Variants in SHF observed in about 807,000 individuals in gnomAD.
SHF encodes the protein SH2 domain-containing adapter protein F.
SHF carries 30 observed loss-of-function variants against 42.4 expected under a neutral mutation model. The observed-to-expected ratio is 0.71, with a 90% CI of 0.53 to 0.96. The LOEUF (loss-of-function observed/expected upper bound fraction) is 0.96, where lower values mean the gene tolerates loss of function less well. Ranked by LOEUF, SHF falls within the 40% of genes least tolerant of loss-of-function variation. The pLI is 0.00. For missense variants in SHF, 598 were observed against 634.0 expected, an observed-to-expected ratio of 0.94 and a Z score of 0.61; for synonymous variants, 264 against 269.9, an observed-to-expected ratio of 0.98 and a Z score of 0.21.
chr15:45,188,260 C>T (rs980304286), upstream of SHF, among the ~76,000 whole-genome samples: 1 of 152,194 alleles, frequency 6.6e-6, no homozygotes, highest in African/African-American at 2.4e-5. Flanking sequence ...CGCATCCATC[C>T]CCATCTGTTC....
rs950846503 is a variant in SHF at position 45,187,473 on chromosome 15, G to C, written c.479C>G (p.Pro160Arg). 8.1e-7 allele frequency: 1 copy of C among 1,232,474 alleles called. No homozygotes were observed. Among genetic ancestry groups the C allele is most frequent in the Non-Finnish European group, 1.0e-6 (1 of 988,134 alleles). The allele number at this position is 1,232,474 out of a possible 1,614,324, so 76.3% of individuals were successfully genotyped here. A position where few individuals can be genotyped will look rare whatever the true frequency, so the allele number is the denominator to read the frequency against. Residue 160 changes from proline (P) to arginine (R), a missense_variant, in exon 1 of 7, where the codon CCC (proline) becomes CGC (arginine). Pro to Arg is a moderately radical substitution (Grantham distance 103). Coordinates refer to ENST00000690270, the MANE Select transcript of SHF (RefSeq NM_001394037.1). ...ACTCACCCTATCGCTGCTGGCGGGG[G>C]GTCCGGAGATCCGCTCATCAGCAGG... ...APPADERISG[P>R]PASSDRLAIL...
At chr15:45,197,698 A>C (rs1187159832) in intron 2 of SHF, among the ~76,000 whole-genome samples, 1 of 152,190 alleles carries the variant, frequency 6.6e-6, no homozygotes, top group East Asian at 1.9e-4. Flanking sequence ...CCTGGGTAAA[A>C]GAGGAACAGG....
rs548116362 is a variant in SHF at position 45,180,649 on chromosome 15, C to A, written c.499-2343G>T. Among the ~76,000 whole-genome samples, 3 of 152,300 alleles carry A rather than the reference C, an allele frequency of 2.0e-5. No individual in the cohort carries two copies. In the East Asian group the frequency reaches 5.8e-4, roughly 29 times the overall value. On this transcript the variant is annotated intron_variant, in intron 1 of 6. Transcript: ENST00000690270. Reference sequence around the variant, plus strand: ...CTTTCCCTCTGCCTGGATCACTTTCCCCTTCCTCCTCAAGAGCTAACTCTT... The same window carrying A: ...CTTTCCCTCTGCCTGGATCACTTTCACCTTCCTCCTCAAGAGCTAACTCTT...
intron 2 of SHF, 66 bp from the exon 3 acceptor site, chr15:45,175,491 A>G: frequency 6.7e-7 from 1 of 1,499,090 alleles, no homozygotes; most frequent in Non-Finnish European, 9.1e-7. Context: ...CCCCTCCTCC[A>G]ATGCTTCTCA....
upstream of SHF, among the ~76,000 whole-genome samples, chr15:45,190,727 A>G (rs1015662714): frequency 6.6e-6 from 1 of 152,186 alleles, no homozygotes; most frequent in South Asian, 2.1e-4. Flanking sequence ...GGACAAAGGC[A>G]TAGAGGTGGG....
chr15:45,198,576 G>C, intron 2 of SHF: 3 of 566,256 alleles, frequency 5.3e-6, no homozygotes, highest in South Asian at 3.6e-5. Context: ...AAAAAATACC[G>C]AGCCCCTTGC....
chr15:45,184,590 G>C (rs1898288524), intron 1 of SHF, among the ~76,000 whole-genome samples: 1 of 152,216 alleles, frequency 6.6e-6, no homozygotes, highest in Non-Finnish European at 1.5e-5. Flanking sequence ...GCATGAGGGA[G>C]GCAAAGGACA....
chr15:45,196,873 C>T (rs564373398), intron 2 of SHF, among the ~76,000 whole-genome samples: 3 of 148,514 alleles, frequency 2.0e-5, no homozygotes, highest in Non-Finnish European at 4.4e-5. Flanking sequence ...TGCACTCCAG[C>T]CTGGGTGACA....
chr15:45,177,190 G>A (rs1281931947), intron 2 of SHF, among the ~76,000 whole-genome samples: 1 of 152,160 alleles, frequency 6.6e-6, no homozygotes, highest in Non-Finnish European at 1.5e-5. Context: ...TCAGTGGCCT[G>A]CTCCTGTGCT....
chr15:45,191,192 G>A (rs1458061546), upstream of SHF, among the ~76,000 whole-genome samples: 6 of 152,220 alleles, frequency 3.9e-5, no homozygotes, highest in East Asian at 3.9e-4. Flanking sequence ...AACCTCCCGC[G>A]TGTGATCCGC....
intron 1 of SHF, among the ~76,000 whole-genome samples, chr15:45,186,423 G>C (rs1272970883): frequency 6.6e-6 from 1 of 152,258 alleles, no homozygotes; most frequent in Non-Finnish European, 1.5e-5. Context: ...TCTCTGCTGA[G>C]GAGAAGGGGG....
intron 2 of SHF, among the ~76,000 whole-genome samples, chr15:45,195,359 C>G (rs1898833208): frequency 6.6e-6 from 1 of 152,192 alleles, no homozygotes. Flanking sequence ...CTACACACTG[C>G]CCAGTTGCTC....
At chr15:45,183,445 C>T (rs1431852658) in intron 1 of SHF, among the ~76,000 whole-genome samples, 1 of 152,228 alleles carries the variant, frequency 6.6e-6, no homozygotes, top group African/African-American at 2.4e-5. Flanking sequence ...GGAGGAGGCC[C>T]ACAGTGATAG....
chr15:45,169,246 C>T (rs1339680183), intron 6 of SHF, among the ~76,000 whole-genome samples: 1 of 152,184 alleles, frequency 6.6e-6, no homozygotes, highest in Admixed American at 6.5e-5. Flanking sequence ...AGGCTCTGCC[C>T]GGACCCATTT....
chr15:45,200,430 G>A (rs1899045656), intron 1 of SHF: 1 of 232,874 alleles, frequency 4.3e-6, no homozygotes, highest in South Asian at 5.6e-5. Context: ...ACTCGGATTC[G>A]AACCGAGGTT....
rs575767748 is a variant in SHF at position 45,180,946 on chromosome 15, T to C, written c.499-2640A>G. On this transcript the variant is annotated intron_variant, in intron 1 of 6. Transcript: ENST00000690270. ...CAAATCTGGATTGGGTGGGATCATA[T>C]GAGGGGACAGTCTTTCCAAGTGAAG... is the stretch of plus-strand genomic sequence containing the variant. Among the ~76,000 whole-genome samples, 8 of 152,332 alleles carry C rather than the reference T, an allele frequency of 5.3e-5. No individual in the cohort carries two copies. In the East Asian group the frequency reaches 1.5e-3, roughly 29 times the overall value.
rs1423642063 is a variant in SHF at position 45,172,024 on chromosome 15, G to A, written c.1161-22C>T. On this transcript the variant is annotated intron_variant, in intron 5 of 6. Coordinates refer to ENST00000690270, the MANE Select transcript of SHF (RefSeq NM_001394037.1). ...CCAGCTAAGGATGAGAGAGAGGAAGGGGGGCATCTCTGCTGGGTCCCTCGC... is the reference window on the plus strand; with the variant it reads ...CCAGCTAAGGATGAGAGAGAGGAAGAGGGGCATCTCTGCTGGGTCCCTCGC... The A allele has an allele frequency of 6.2e-6, 10 of 1,613,906 alleles. No homozygotes were observed. The South Asian group carries it at 6.6e-5, about 11-fold the overall frequency.
At chr15:45,183,738 C>T (rs1212029005) in intron 1 of SHF, among the ~76,000 whole-genome samples, 1 of 152,234 alleles carries the variant, frequency 6.6e-6, no homozygotes, top group East Asian at 1.9e-4. Context: ...GTCATTGAGT[C>T]ACTCACTGGC....
intron 1 of SHF, chr15:45,200,394 C>G (rs537411942): frequency 4.7e-6 from 1 of 213,676 alleles, no homozygotes; most frequent in Non-Finnish European, 9.9e-6. Flanking sequence ...CTCCCCTTGC[C>G]GTGCCATTGT....
Sources: allele counts gnomAD v4.1 joint callset (sites outside exome capture counted in the v4.1 genomes callset), GRCh38; gene constraint gnomAD v4.1.1; transcripts MANE v1.5; gene names NCBI Gene and HGNC (gene_info 2026-07-23, HGNC 2026-07-21).